PTGIR: variants seen among roughly 807,000 people sequenced by gnomAD.
PTGIR encodes prostacyclin receptor.
PTGIR carries 16 observed loss-of-function variants against 17.6 expected under a neutral mutation model. That is an observed-to-expected ratio of 0.91 (90% CI 0.61 to 1.38). The LOEUF is 1.38. Among genes scored for constraint, PTGIR ranks in the 40% most tolerant of loss-of-function variants. The pLI, the probability that PTGIR is intolerant of heterozygous loss-of-function variation, is 0.00. For synonymous variants in PTGIR, 274 were observed against 255.4 expected (o/e 1.07, Z -0.69); for missense variants, 532 against 548.6 (o/e 0.97, Z 0.30).
At chr19:46,611,464 C>T in the PTGIR span, among the ~76,000 whole-genome samples, 8 of 152,178 alleles carry the variant, frequency 5.3e-5, no homozygotes, top group Non-Finnish European at 7.3e-5. Context: ...AGGGAGGGCA[C>T]GGGACTCAGT....
intron 1 of PTGIR, 150 bp from the exon 2 acceptor site, chr19:46,624,387 C>T: frequency 1.7e-6 from 1 of 583,280 alleles, no homozygotes; most frequent in Non-Finnish European, 2.8e-6. Flanking sequence ...ATGCAGTCCT[C>T]TCCCCTCTGG....
At chr19:46,611,366 G>T in the PTGIR span, among the ~76,000 whole-genome samples, 1 of 152,170 alleles carries the variant, frequency 6.6e-6, no homozygotes, top group Non-Finnish European at 1.5e-5. Flanking sequence ...GGGGAGAGGG[G>T]TGGCATTCAC....
At chr19:46,612,747 T>G in the PTGIR span, among the ~76,000 whole-genome samples, 1 of 152,076 alleles carries the variant, frequency 6.6e-6, no homozygotes, top group East Asian at 1.9e-4. Context: ...GCTGCCCCCT[T>G]AGCAGTAAGG....
At chr19:46,618,163 C>T (rs1438324919), downstream of PTGIR, among the ~76,000 whole-genome samples, 3 of 151,902 alleles carry the variant, frequency 2.0e-5, no homozygotes, top group East Asian at 1.9e-4. Flanking sequence ...TACAGGCGCC[C>T]GCCACCACGC....
chr19:46,614,927 CAGG>C, the PTGIR span, among the ~76,000 whole-genome samples: 1 of 152,136 alleles, frequency 6.6e-6, no homozygotes. Flanking sequence ...GAGGCTGAGG[CAGG>C]AGAATTGTTT....
chr19:46,616,345 TTTTTTTTA>T (rs902229986), downstream of PTGIR, among the ~76,000 whole-genome samples: 5 of 144,282 alleles, frequency 3.5e-5, no homozygotes, highest in East Asian at 2.0e-4. Flanking sequence ...TTTTTTTTTT[TTTTTTTTA>T]GACAAAGTCT....
chr19:46,616,630 C>T (rs1971966890), downstream of PTGIR, among the ~76,000 whole-genome samples: 1 of 152,154 alleles, frequency 6.6e-6, no homozygotes, highest in South Asian at 2.1e-4. Flanking sequence ...CCGCACCTGG[C>T]CAGAAACCCT....
the PTGIR span, among the ~76,000 whole-genome samples, chr19:46,611,311 G>A: frequency 1.3e-5 from 2 of 152,208 alleles, no homozygotes; most frequent in African/African-American, 4.8e-5. Flanking sequence ...GTGAAGAGAG[G>A]AAGGCAGGGG....
At chr19:46,620,181 C>T (rs1397609990), downstream of PTGIR, among the ~76,000 whole-genome samples, 1 of 152,214 alleles carries the variant, frequency 6.6e-6, no homozygotes, top group Non-Finnish European at 1.5e-5. Flanking sequence ...CTCACTGCAG[C>T]CTCAACCTCC....
At position 46,624,057 on chromosome 19, in the gene PTGIR, C is replaced by A; in HGVS notation, c.169G>T (p.Ala57Ser). 1 of 1,538,358 alleles carries A rather than the reference C, an allele frequency of 6.5e-7. No homozygotes were observed. The highest frequency in any genetic ancestry group is 8.7e-7 in the Non-Finnish European group (1 of 1,144,756). The change falls in exon 2 of 3, where the codon GCG becomes TCG. Residue 57 changes from alanine (A) to serine (S), a missense_variant. Physicochemically the swap from Ala to Ser is moderately conservative, Grantham distance 99. Coordinates refer to ENST00000291294, the MANE Select transcript of PTGIR (RefSeq NM_000960.4). ...SAFAVLVTGLAATDLLGTSFL... is the reference protein window; with the variant it reads ...SAFAVLVTGLSATDLLGTSFL... ...CTGGTGCCCAGCAGGTCGGTGGCCGCCAGTCCGGTCACCAGCACCGCGAAG... is the reference window on the plus strand; with the variant it reads ...CTGGTGCCCAGCAGGTCGGTGGCCGACAGTCCGGTCACCAGCACCGCGAAG...
rs199840209 is a variant in PTGIR at position 46,623,696 on chromosome 19, G to A, written c.530C>T (p.Ala177Val). Residue 177 changes from alanine to valine, a missense_variant, in exon 2 of 3, where the codon GCC (alanine) becomes GTC (valine). Transcript: ENST00000291294. The part of the protein sequence containing the change: ...GSWCFLRMRW[A>V]QPGGAAFSLA... ...CGAGAAGGCGGCGCCGCCCGGCTGGGCCCAGCGCATGCGGAGGAAGCACCA... is the reference window on the plus strand; with the variant it reads ...CGAGAAGGCGGCGCCGCCCGGCTGGACCCAGCGCATGCGGAGGAAGCACCA... 2.6e-6 allele frequency: 4 copies of A among 1,564,820 alleles called. No individual in the cohort carries two copies. The highest frequency in any genetic ancestry group is 2.3e-5 in the South Asian group (2 of 86,394).
chr19:46,611,812 G>A, the PTGIR span, among the ~76,000 whole-genome samples: 1 of 152,226 alleles, frequency 6.6e-6, no homozygotes. Flanking sequence ...CGGGGGAATG[G>A]GGAATGAGAG....
downstream of PTGIR, among the ~76,000 whole-genome samples, chr19:46,617,786 A>G (rs1436056921): frequency 6.6e-6 from 1 of 151,422 alleles, no homozygotes; most frequent in African/African-American, 2.4e-5. Context: ...GCGTGGTGAC[A>G]AAGTCAGGTC....
At chr19:46,615,209 A>G in the PTGIR span, among the ~76,000 whole-genome samples, 1 of 152,234 alleles carries the variant, frequency 6.6e-6, no homozygotes, top group African/African-American at 2.4e-5. Flanking sequence ...AAAAAACACA[A>G]TAAAATATAC....
At position 46,620,637 on chromosome 19, in the gene PTGIR, A is replaced by T; in HGVS notation, c.*643T>A. 1.0e-6 allele frequency: 1 copy of T among 985,166 alleles called. No homozygotes were observed. Among genetic ancestry groups the T allele is most frequent in the Non-Finnish European group, 1.2e-6 (1 of 829,852 alleles). The allele number at this position is 985,166 out of a possible 1,614,324, so 61.0% of individuals were successfully genotyped here. A position where few individuals can be genotyped will look rare whatever the true frequency, so the allele number is the denominator to read the frequency against. On this transcript the variant is annotated 3_prime_UTR_variant, in exon 3 of 3. Coordinates refer to ENST00000291294, the MANE Select transcript of PTGIR (RefSeq NM_000960.4). ...CCCCCCCAGTTCTCATCTTGCAGCC[A>T]GTCAAGCTAGGTGGAATGTCTCAGG...
chr19:46,616,113 T>A (rs1277492626), downstream of PTGIR, among the ~76,000 whole-genome samples: 1 of 151,968 alleles, frequency 6.6e-6, no homozygotes, highest in African/African-American at 2.4e-5. Flanking sequence ...TTGTAACACA[T>A]TTTTATGTGA....
chr19:46,612,596 C>G, the PTGIR span, among the ~76,000 whole-genome samples: 1 of 152,174 alleles, frequency 6.6e-6, no homozygotes, highest in Non-Finnish European at 1.5e-5. Flanking sequence ...AGATCTAACC[C>G]TGAGGAGTCC....
downstream of PTGIR, among the ~76,000 whole-genome samples, chr19:46,616,891 T>G (rs1291787835): frequency 6.6e-6 from 1 of 152,098 alleles, no homozygotes; most frequent in Non-Finnish European, 1.5e-5. Context: ...GCGGAGCGGG[T>G]GAGCAGACAC....
rs530504549 is a variant in PTGIR at position 46,623,741 on chromosome 19, T to C, written c.485A>G (p.Gln162Arg). 3 of 1,597,102 alleles carry C rather than the reference T, an allele frequency of 1.9e-6. No homozygotes were observed. In the Admixed American group the frequency reaches 5.1e-5, roughly 27 times the overall value. ...GCACCAGCTGCCGGGGCAGTACTGC[T>C]GGTGTTGGCCCAGGCCCAGCAGGGG... The part of the protein sequence containing the change: ...ALPLLGLGQH[Q>R]QYCPGSWCFL... Residue 162 changes from glutamine to arginine, a missense_variant, in exon 2 of 3, where the codon CAG (glutamine) becomes CGG (arginine). Gln to Arg is a conservative substitution (Grantham distance 43). Coordinates refer to ENST00000291294, the MANE Select transcript of PTGIR (RefSeq NM_000960.4).
Sources: gnomAD v4.1 joint callset for allele counts (sites outside exome capture counted in the v4.1 genomes callset) on GRCh38, gnomAD v4.1.1 for gene constraint, MANE v1.5 for transcripts, NCBI Gene and HGNC (gene_info 2026-07-23, HGNC 2026-07-21) for gene names.